The following DHRS7 variants were observed in gnomAD, a reference collection of about 807,000 sequenced individuals.
DHRS7 encodes the protein dehydrogenase/reductase 7, also known as dehydrogenase/reductase SDR family member 7.
Under a neutral mutation model 38.9 loss-of-function variants are expected in DHRS7, and 34 were observed. That is an observed-to-expected ratio of 0.87 (90% CI 0.66 to 1.16). The LOEUF (loss-of-function observed/expected upper bound fraction) is 1.16. DHRS7 is among the 50% of genes most tolerant of loss of function. DHRS7 has a pLI of 0.00. For missense variants in DHRS7, 421 were observed against 407.0 expected (o/e 1.03, Z -0.30); for synonymous variants, 158 against 153.1 (o/e 1.03, Z -0.24).
At position 60,144,934 on chromosome 14, in the gene DHRS7, C is replaced by T. The variant is rs761457957; in HGVS notation, c.*32G>A. 3 of 1,565,772 alleles carry T rather than the reference C, an allele frequency of 1.9e-6. No homozygotes were observed. The African/African-American group carries it at 4.1e-5, about 22-fold the overall frequency. ...CTGTTTTCATGTTTTCCATTTCTCC[C>T]TCCAGTGGCTTGAAAAGTACAGGTG... On this transcript the variant is annotated 3_prime_UTR_variant, in exon 7 of 7. Coordinates refer to ENST00000557185, the MANE Select transcript of DHRS7 (RefSeq NM_016029.4).
Position 60,153,275 on chromosome 14 carries a change from G to T in DHRS7, c.394-97C>A, listed in dbSNP as rs1595194620. On this transcript the variant is annotated intron_variant, in intron 3 of 6. Coordinates refer to ENST00000557185, the MANE Select transcript of DHRS7 (RefSeq NM_016029.4). This position sits in a 1 kb window ranked among gnomAD's most constrained non-coding sequence, Gnocchi z 4.4. ...TGGTTGGTTATTTTGTTAACTTAAA[G>T]AATCAATGGAACAATGGTATATTTC... 1 of 1,343,512 alleles carries T rather than the reference G, an allele frequency of 7.4e-7. No individual in the cohort carries two copies. Among genetic ancestry groups the T allele is most frequent in the East Asian group, 2.4e-5 (1 of 41,460 alleles). The allele number at this position is 1,343,512 out of a possible 1,614,324, so 83.2% of individuals were successfully genotyped here.
At chr14:60,155,901 G>A (rs1048046251) in intron 2 of DHRS7, 99 bp downstream of exon 2, 65 of 1,197,516 alleles carry the variant, frequency 5.4e-5, no homozygotes, top group Admixed American at 1.8e-4. Context: ...ATTTGGAGCC[G>A]GGGGGAAATC....
chr14:60,163,947 A>G (rs1404625997), intron 1 of DHRS7, among the ~76,000 whole-genome samples: 1 of 152,164 alleles, frequency 6.6e-6, no homozygotes, highest in Non-Finnish European at 1.5e-5. Context: ...CCCTTGGTTA[A>G]TGAAGTTGTG....
In DHRS7 at chr14:60,144,806, A is replaced by G; in HGVS notation, c.*160T>C. 1 of 653,358 alleles carries G rather than the reference A, an allele frequency of 1.5e-6. No individual in the cohort carries two copies. The highest frequency in any genetic ancestry group is 2.7e-6 in the Non-Finnish European group (1 of 374,198). The allele number at this position is 653,358 out of a possible 1,614,324, so 40.5% of individuals were successfully genotyped here. ...TTTGCAAGATTCATGGCAATCTTTTATTATTTATTTTTTATTTCATTCCAT... is the reference window on the plus strand; with the variant it reads ...TTTGCAAGATTCATGGCAATCTTTTGTTATTTATTTTTTATTTCATTCCAT... On this transcript the variant is annotated 3_prime_UTR_variant, in exon 7 of 7. Coordinates refer to ENST00000557185, the MANE Select transcript of DHRS7 (RefSeq NM_016029.4).
At chr14:60,152,520 C>G (rs79543882) in intron 4 of DHRS7, among the ~76,000 whole-genome samples, 1 of 152,212 alleles carries the variant, frequency 6.6e-6, no homozygotes, top group East Asian at 1.9e-4. Context: ...AAAGAAGTCA[C>G]AGAAATGGGG....
At chr14:60,169,820 G>T (rs177614), upstream of DHRS7, 24,699 of 152,256 alleles carry the variant, frequency 0.16, 2,355 homozygotes, top group South Asian at 0.3. Context: ...AGGGAATTTG[G>T]TTTTGTAATT....
intron 2 of DHRS7, 47 bp from the exon 3 acceptor site, chr14:60,154,112 C>G (rs1227530274): frequency 1.3e-6 from 2 of 1,492,946 alleles, no homozygotes. Flanking sequence ...ATAGTTCAGT[C>G]AAGCTCCTTG....
upstream of DHRS7, among the ~76,000 whole-genome samples, chr14:60,167,661 TAGGCGGG>T: frequency 6.6e-6 from 1 of 152,110 alleles, no homozygotes; most frequent in Non-Finnish European, 1.5e-5. Flanking sequence ...CGGCAGTCCC[TAGGCGGG>T]GGAAAAAAAG....
At position 60,145,210 on chromosome 14, in the gene DHRS7, T is replaced by A. The variant is rs988993621; in HGVS notation, c.973-197A>T. On this transcript the variant is annotated intron_variant, in intron 6 of 6. Transcript: ENST00000557185. The surrounding 1 kb of genome is among the most constrained non-coding windows in gnomAD (Gnocchi z 4.0). ...TAGATGTACACAAAAGTACTTCTAA[T>A]GAGTTTAGCATCATCTCTGGTTTAG... is the stretch of plus-strand genomic sequence containing the variant. 4 of 445,678 alleles carry A rather than the reference T, an allele frequency of 9.0e-6. No individual in the cohort carries two copies. Among genetic ancestry groups the A allele is most frequent in the Non-Finnish European group, 1.6e-5 (4 of 257,222 alleles). 27.6% of individuals were successfully genotyped at this position (445,678 alleles called of 1,614,324 possible).
Position 60,165,100 on chromosome 14 carries a change from A to AC in DHRS7, c.133+76dup, listed in dbSNP as rs1896840251. On this transcript the variant is annotated intron_variant, in intron 1 of 6. Transcript: ENST00000557185. The surrounding 1 kb of genome is among the most constrained non-coding windows in gnomAD (Gnocchi z 4.6). ...ACAAAGGACCCGGGATCACTGCAGA[A>AC]CCCCCGGAGACCCGGACACGCCTCG... The AC allele has an allele frequency of 3.2e-6, 5 of 1,555,674 alleles. No homozygotes were observed. The highest frequency in any genetic ancestry group is 4.4e-6 in the Non-Finnish European group (5 of 1,144,730).
chr14:60,155,893 T>G (rs991214798), intron 2 of DHRS7, 107 bp downstream of exon 2: 4 of 1,179,350 alleles, frequency 3.4e-6, no homozygotes, highest in South Asian at 5.3e-5. Context: ...TGTAGAACAT[T>G]TGGAGCCGGG....
At position 60,153,958 on chromosome 14, in the gene DHRS7, C is replaced by T; in HGVS notation, c.393+1G>A. ...CTATATCAATATAAGATGCTACTTA[C>T]TCTACCAAACTCCTGGAGAACAGCT... On this transcript the variant is annotated splice_donor_variant, in intron 3 of 6. Coordinates refer to ENST00000557185, the MANE Select transcript of DHRS7 (RefSeq NM_016029.4). LOFTEE classifies it high-confidence loss of function. This position sits in a 1 kb window ranked among gnomAD's most constrained non-coding sequence, Gnocchi z 4.4. The T allele has an allele frequency of 6.2e-7, 1 of 1,613,068 alleles. No homozygotes were observed. Among genetic ancestry groups the T allele is most frequent in the Non-Finnish European group, 8.5e-7 (1 of 1,179,064 alleles).
At position 60,150,128 on chromosome 14, in the gene DHRS7, G is replaced by A. The variant is rs1386991441; in HGVS notation, c.693C>T (p.Asn231=). The A allele has an allele frequency of 1.5e-5, 23 of 1,570,526 alleles. No homozygotes were observed. Among genetic ancestry groups the A allele is most frequent in the Non-Finnish European group, 2.0e-5 (23 of 1,158,906 alleles). The change falls in exon 5 of 7, where the codon AAC becomes AAT. Residue 231 remains asparagine, a synonymous_variant. Coordinates refer to ENST00000557185, the MANE Select transcript of DHRS7 (RefSeq NM_016029.4). ...TTGATTGCACAGGTCCTGGGCAAATGTTAGAAACTATTATACCTGGGTATG... is the reference window on the plus strand; with the variant it reads ...TTGATTGCACAGGTCCTGGGCAAATATTAGAAACTATTATACCTGGGTATG... ...LATYPGIIVS[N]ICPGPVQSNI...
rs374542928 is a variant in DHRS7 at position 60,152,944 on chromosome 14, G to A, written c.628C>T (p.Leu210Phe). The change falls in exon 4 of 7, where the codon CTC (leucine) becomes TTC (phenylalanine). Residue 210 changes from leucine to phenylalanine, a missense_variant. Leu to Phe is a conservative substitution (Grantham distance 22). Coordinates refer to ENST00000557185, the MANE Select transcript of DHRS7 (RefSeq NM_016029.4). ...TTGAGTTTGAGCAGCCTTACCCGGA[G>A]AGCATGCTTGCTAGCACAGTATCCA... ...SIGYCASKHA[L>F]RGFFNGLRTE... 35 of 1,613,926 alleles carry A rather than the reference G, an allele frequency of 2.2e-5. 1 individual carries two copies. The highest frequency in any genetic ancestry group is 3.3e-5 in the Admixed American group (2 of 59,990).
chr14:60,149,692 C>T, intron 5 of DHRS7, 124 bp from the exon 6 acceptor site: 2 of 692,084 alleles, frequency 2.9e-6, no homozygotes, highest in South Asian at 3.9e-5. Flanking sequence ...CCTTAGGAGT[C>T]TCCATAGGTA....
intron 1 of DHRS7, 51 bp from the exon 2 acceptor site, chr14:60,156,203 C>A: frequency 2.2e-6 from 3 of 1,367,176 alleles, no homozygotes; most frequent in South Asian, 1.8e-5. Context: ...GAATTACGCT[C>A]ATAAATCCAA....
intron 1 of DHRS7, among the ~76,000 whole-genome samples, chr14:60,160,973 AT>A (rs1311909915): frequency 6.6e-6 from 1 of 152,186 alleles, no homozygotes; most frequent in Non-Finnish European, 1.5e-5. Flanking sequence ...TACTCAGCAG[AT>A]TAACTTTTGC....
chr14:60,152,637 A>ACTCTT (rs1896568936), intron 4 of DHRS7: 1 of 365,792 alleles, frequency 2.7e-6, no homozygotes, highest in African/African-American at 2.0e-5. Context: ...TAACATGTTA[A>ACTCTT]ATAGATGATA....
rs752393729 is a variant in DHRS7 at position 60,154,033 on chromosome 14, C to T, written c.319G>A (p.Val107Ile). ...NGNLKEKDIL[V>I]LPLDLTDTGS... The stretch of plus-strand genomic sequence containing the variant: ...GTGTCGGTCAGGTCAAGGGGCAAAA[C>T]AAGTATATCTTTTTCTTTTAAATTG... The change falls in exon 3 of 7, where the codon GTT becomes ATT. Residue 107 changes from valine to isoleucine, a missense_variant. Transcript: ENST00000557185. 1.2e-6 allele frequency: 2 copies of T among 1,613,940 alleles called. No individual in the cohort carries two copies. The highest frequency in any genetic ancestry group is 1.1e-5 in the South Asian group (1 of 91,076).
Sources: gnomAD v4.1 joint callset for allele counts (sites outside exome capture counted in the v4.1 genomes callset) on GRCh38, gnomAD v4.1.1 for gene constraint, Gnocchi (gnomAD v3.1) non-coding constraint, MANE v1.5 for transcripts, NCBI Gene and HGNC (gene_info 2026-07-23, HGNC 2026-07-21) for gene names.